LIN28B: variants seen among roughly 807,000 people sequenced by gnomAD.
LIN28B encodes the protein protein lin-28 homolog B.
In LIN28B, 5 loss-of-function variants were observed where a neutral mutation model predicts 21.9. That is an observed-to-expected ratio of 0.23 (90% confidence interval 0.12 to 0.48). The LOEUF is 0.48. Among genes scored for constraint, LIN28B ranks in the 20% least tolerant of loss-of-function variants. The pLI is 0.98. For missense variants in LIN28B, 245 were observed against 310.5 expected, an observed-to-expected ratio of 0.79 and a Z score of 1.58; for synonymous variants, 109 against 111.3, an observed-to-expected ratio of 0.98 and a Z score of 0.13.
At chr6:105,053,700 TGTGTGTGTGGGTGC>T (rs1001747031) in intron 3 of LIN28B, among the ~76,000 whole-genome samples, 4 of 121,496 alleles carry the variant, frequency 3.3e-5, no homozygotes, top group African/African-American at 9.4e-5. Context: ...GTTTGTATGG[TGTGTGTGTGGGTGC>T]GTGTGTGTGT....
intron 2 of LIN28B, among the ~76,000 whole-genome samples, chr6:104,946,221 A>G (rs1334407278): frequency 6.6e-6 from 1 of 152,068 alleles, no homozygotes; most frequent in Non-Finnish European, 1.5e-5. Flanking sequence ...ATAGCCTAAT[A>G]TTTTTAAACT....
chr6:105,032,434 A>G (rs1014639084), intron 3 of LIN28B, among the ~76,000 whole-genome samples: 4 of 152,166 alleles, frequency 2.6e-5, no homozygotes, highest in Non-Finnish European at 5.9e-5. Flanking sequence ...GCCAATTTTT[A>G]AAAATTTTGG....
chr6:105,028,072 G>A (rs556758450), intron 3 of LIN28B, among the ~76,000 whole-genome samples: 4 of 152,164 alleles, frequency 2.6e-5, no homozygotes, highest in African/African-American at 4.8e-5. Flanking sequence ...ACTTAAATAC[G>A]TACAAGTAAA....
At chr6:104,975,744 C>T (rs1303861743) in intron 2 of LIN28B, among the ~76,000 whole-genome samples, 1 of 151,860 alleles carries the variant, frequency 6.6e-6, no homozygotes, top group African/African-American at 2.4e-5. Flanking sequence ...GCCTCATCCT[C>T]CCCAGGCTCA....
chr6:104,961,543 G>C (rs1255854962), intron 2 of LIN28B, among the ~76,000 whole-genome samples: 1 of 151,992 alleles, frequency 6.6e-6, no homozygotes, highest in African/African-American at 2.4e-5. Flanking sequence ...TGGGATTACA[G>C]GTGCCCGCCA....
In LIN28B at chr6:105,011,357, AT is replaced by A. The variant is rs1770918949; in HGVS notation, c.199-14936del. Among the ~76,000 whole-genome samples, 4 of 152,246 alleles carry A rather than the reference AT, an allele frequency of 2.6e-5. No homozygotes were observed. The South Asian group carries it at 6.2e-4, about 24-fold the overall frequency. ...AGACACATGTCACAATGCCTGGCTAATTTTTGTATTTTTTGTAGGGACGGGA... is the reference window on the plus strand; with the variant it reads ...AGACACATGTCACAATGCCTGGCTAATTTTGTATTTTTTGTAGGGACGGGA... On this transcript the variant is annotated intron_variant, in intron 2 of 3. Coordinates refer to ENST00000345080, the MANE Select transcript of LIN28B (RefSeq NM_001004317.4).
chr6:104,941,793 A>G lies in LIN28B; in HGVS notation c.18+4677A>G, dbSNP rs142586575. On this transcript the variant is annotated intron_variant, in intron 2 of 5. Transcript: ENST00000635857. ...GAAATGATACGTTTGCAGGAGCATT[A>G]ACTGACTACTGACTGGAACATTGGA... Among the ~76,000 whole-genome samples, 264 of 152,384 alleles carry G rather than the reference A, an allele frequency of 1.7e-3. 1 individual carries two copies. Among genetic ancestry groups the G allele is most frequent in the Non-Finnish European group, 3.3e-3 (227 of 68,032 alleles).
At chr6:104,959,817 G>T (rs577329816) in intron 2 of LIN28B, among the ~76,000 whole-genome samples, 26 of 152,018 alleles carry the variant, frequency 1.7e-4, no homozygotes, top group Non-Finnish European at 3.1e-4. Flanking sequence ...TTGTTAAATT[G>T]TTTTTTATGA....
chr6:105,054,512 G>A (rs1771982333), intron 3 of LIN28B, among the ~76,000 whole-genome samples: 1 of 152,118 alleles, frequency 6.6e-6, no homozygotes, highest in Admixed American at 6.5e-5. Context: ...ACTTTCTGTA[G>A]ATCTATCTTT....
chr6:104,965,483 ATT>A (rs1280699232), intron 2 of LIN28B, among the ~76,000 whole-genome samples: 4 of 152,206 alleles, frequency 2.6e-5, no homozygotes, highest in African/African-American at 7.2e-5. Context: ...AGATCACTCC[ATT>A]GCACTCCAGT....
At chr6:105,075,606 AC>A (rs1210606468) in intron 3 of LIN28B, among the ~76,000 whole-genome samples, 7 of 152,242 alleles carry the variant, frequency 4.6e-5, no homozygotes, top group Non-Finnish European at 1.0e-4. Flanking sequence ...GGGTGAATTA[AC>A]TATGCAGATC....
At chr6:105,049,307 C>T (rs1342753626) in intron 3 of LIN28B, among the ~76,000 whole-genome samples, 4 of 152,102 alleles carry the variant, frequency 2.6e-5, no homozygotes, top group African/African-American at 4.8e-5. Flanking sequence ...TGTAGTTGAG[C>T]GGTTTTGAAT....
At chr6:104,989,676 C>T (rs1770421640) in intron 2 of LIN28B, among the ~76,000 whole-genome samples, 1 of 120,430 alleles carries the variant, frequency 8.3e-6, no homozygotes, top group South Asian at 3.1e-4. Context: ...TCGCTGCAGC[C>T]TCTGCCTCGC....
At chr6:104,967,661 T>C (rs1311229166) in intron 2 of LIN28B, among the ~76,000 whole-genome samples, 2 of 148,750 alleles carry the variant, frequency 1.3e-5, no homozygotes, top group African/African-American at 5.0e-5. Context: ...ATTTTTAAAA[T>C]TTTTATTTAA....
chr6:105,018,033 G>C (rs910170982), intron 2 of LIN28B, among the ~76,000 whole-genome samples: 7 of 152,198 alleles, frequency 4.6e-5, no homozygotes, highest in African/African-American at 1.4e-4. Flanking sequence ...AACACTTTGG[G>C]AGGCTGAGGC....
chr6:105,011,490 C>G (rs992436235), intron 2 of LIN28B, among the ~76,000 whole-genome samples: 1 of 152,144 alleles, frequency 6.6e-6, no homozygotes, highest in Non-Finnish European at 1.5e-5. Context: ...GTGCCTGCCC[C>G]GCAGTGTTCC....
At chr6:105,069,818 CAG>C (rs950288091) in intron 3 of LIN28B, among the ~76,000 whole-genome samples, 1 of 152,048 alleles carries the variant, frequency 6.6e-6, no homozygotes, top group African/African-American at 2.4e-5. Flanking sequence ...TAGGTTTTTG[CAG>C]TGTGTGCCTT....
intron 2 of LIN28B, among the ~76,000 whole-genome samples, chr6:104,959,392 A>G (rs386472224): frequency 2.4e-4 from 37 of 152,342 alleles, no homozygotes; most frequent in Non-Finnish European, 4.4e-4. Flanking sequence ...TATATTTGAT[A>G]CTGTGTTGCA....
At chr6:105,011,334 A>G (rs1466567002) in intron 2 of LIN28B, among the ~76,000 whole-genome samples, 1 of 152,070 alleles carries the variant, frequency 6.6e-6, no homozygotes, top group African/African-American at 2.4e-5. Flanking sequence ...GGGACTACAG[A>G]CACATGTCAC....
Sources: allele counts gnomAD v4.1 joint callset (sites outside exome capture counted in the v4.1 genomes callset), GRCh38; gene constraint gnomAD v4.1.1; transcripts MANE v1.5; gene names NCBI Gene and HGNC (gene_info 2026-07-23, HGNC 2026-07-21).